CSMD1: variants seen among roughly 807,000 people sequenced by gnomAD.
CSMD1 encodes the protein CUB and sushi domain-containing protein 1.
In CSMD1, 213 loss-of-function variants were observed where a neutral mutation model predicts 417.5. The ratio of observed to expected loss-of-function variants is 0.51; its 90% confidence interval spans 0.46 to 0.57. The LOEUF is 0.57. Ranked by LOEUF, CSMD1 falls within the 20% of genes least tolerant of loss-of-function variation. The pLI is 0.00. For missense variants in CSMD1, 6,923 were observed against 4,529.7 expected, an observed-to-expected ratio of 1.53 and a Z score of -15.17; for synonymous variants, 2,862 against 1,736.8, an observed-to-expected ratio of 1.65 and a Z score of -16.11.
rs1563296744 is a variant in CSMD1, at chr8:3,348,167, A to G, written c.3305-6T>C. 2.5e-6 allele frequency: 4 copies of G among 1,609,474 alleles called. No homozygotes were observed. Among genetic ancestry groups the G allele is most frequent in the African/African-American group, 1.3e-5 (1 of 74,848 alleles). ...GACACTTGCTCCACATTCGGCTACAATAAATAGGACATGAGAGAAAGAGGA... is the reference window on the plus strand; with the variant it reads ...GACACTTGCTCCACATTCGGCTACAGTAAATAGGACATGAGAGAAAGAGGA... On this transcript the variant is annotated splice_region_variant and splice_polypyrimidine_tract_variant and intron_variant, in intron 21 of 69. Coordinates refer to ENST00000635120, the MANE Select transcript of CSMD1 (RefSeq NM_033225.6).
chr8:4,422,481 G>C (rs533608813), intron 2 of CSMD1, among the ~76,000 whole-genome samples: 1 of 152,028 alleles, frequency 6.6e-6, no homozygotes, highest in Non-Finnish European at 1.5e-5. Flanking sequence ...GAAAAGAGAA[G>C]GATTCCTTTC....
At chr8:4,849,089 G>A (rs904505792) in intron 1 of CSMD1, among the ~76,000 whole-genome samples, 1 of 152,176 alleles carries the variant, frequency 6.6e-6, no homozygotes, top group Non-Finnish European at 1.5e-5. Flanking sequence ...GGTGGTAGAA[G>A]ACAGTGATAT....
intron 30 of CSMD1, among the ~76,000 whole-genome samples, chr8:3,213,019 G>T (rs1031157302): frequency 6.6e-6 from 1 of 151,688 alleles, no homozygotes; most frequent in African/African-American, 2.4e-5. Flanking sequence ...TAGTAGAAAG[G>T]GGGTTTCTCC....
intron 3 of CSMD1, among the ~76,000 whole-genome samples, chr8:4,096,241 G>T (rs953544426): frequency 6.6e-6 from 1 of 152,044 alleles, no homozygotes; most frequent in African/African-American, 2.4e-5. Flanking sequence ...AAAAGCAACC[G>T]ACTTTCCCTG....
At chr8:4,095,884 G>C (rs373894938) in intron 3 of CSMD1, among the ~76,000 whole-genome samples, 1 of 152,264 alleles carries the variant, frequency 6.6e-6, no homozygotes, top group South Asian at 2.1e-4. Context: ...TCAATGTTAA[G>C]AGTAGAAACT....
intron 6 of CSMD1, among the ~76,000 whole-genome samples, chr8:3,738,182 A>T (rs753416740): frequency 2.6e-5 from 4 of 152,222 alleles, no homozygotes; most frequent in Non-Finnish European, 5.9e-5. Flanking sequence ...TGATCTATAC[A>T]TTTAATAAGC....
intron 1 of CSMD1, among the ~76,000 whole-genome samples, chr8:4,975,991 G>C (rs1018983262): frequency 5.9e-5 from 9 of 152,182 alleles, no homozygotes; most frequent in Non-Finnish European, 1.0e-4. Context: ...GTGTACAACA[G>C]ACACTCAACC....
At chr8:4,254,043 A>C (rs1161717922) in intron 3 of CSMD1, among the ~76,000 whole-genome samples, 6 of 149,912 alleles carry the variant, frequency 4.0e-5, no homozygotes, top group Admixed American at 6.8e-5. Flanking sequence ...CAGCCTCCCA[A>C]GTAGCTGGGA....
intron 1 of CSMD1, among the ~76,000 whole-genome samples, chr8:4,906,842 G>A (rs933749790): frequency 6.6e-6 from 1 of 152,230 alleles, no homozygotes; most frequent in African/African-American, 2.4e-5. Context: ...ACAGGCGTGA[G>A]CCGCTGCCCC....
intron 7 of CSMD1, among the ~76,000 whole-genome samples, chr8:3,624,316 T>A (rs1007573371): frequency 6.6e-6 from 1 of 152,208 alleles, no homozygotes; most frequent in Non-Finnish European, 1.5e-5. Flanking sequence ...ATGGAGAATA[T>A]AATCCACCTT....
chr8:3,987,164 G>A (rs896764067), intron 5 of CSMD1, among the ~76,000 whole-genome samples: 1 of 152,160 alleles, frequency 6.6e-6, no homozygotes, highest in Admixed American at 6.5e-5. Flanking sequence ...ATGGGAGAAA[G>A]CAATCCAGTA....
At chr8:3,258,534 G>T (rs1246900686) in intron 26 of CSMD1, among the ~76,000 whole-genome samples, 1 of 152,192 alleles carries the variant, frequency 6.6e-6, no homozygotes, top group Non-Finnish European at 1.5e-5. Flanking sequence ...AGACAGTGTG[G>T]TGATTCCTCA....
chr8:4,235,191 T>A (rs1180067641), intron 3 of CSMD1, among the ~76,000 whole-genome samples: 1 of 152,148 alleles, frequency 6.6e-6, no homozygotes, highest in East Asian at 1.9e-4. Context: ...ATCTCTCTCC[T>A]GTCCAAACTC....
chr8:3,420,732 C>T (rs566138438), intron 12 of CSMD1, among the ~76,000 whole-genome samples: 22 of 152,224 alleles, frequency 1.4e-4, no homozygotes, highest in African/African-American at 5.1e-4. Context: ...GCAATGATTC[C>T]TTTTAGGCAT....
chr8:3,888,761 C>T (rs192162704), intron 5 of CSMD1, among the ~76,000 whole-genome samples: 1 of 152,100 alleles, frequency 6.6e-6, no homozygotes, highest in Non-Finnish European at 1.5e-5. Context: ...ACCGACCTTC[C>T]AAATGGTCCT....
At position 2,978,660 on chromosome 8, in the gene CSMD1, T is replaced by A; in HGVS notation, c.8518A>T (p.Thr2840Ser). Reference protein sequence around the residue: ...GFYLLGSSALTCMANGLWDRS... With the variant: ...GFYLLGSSALSCMANGLWDRS... ...TCCCATAAGCCATTTGCCATACAGG[T>A]CAAGGCTGAAGATCCCAGCAAGTAA... The change falls in exon 55 of 70, where the codon ACC becomes TCC. Residue 2840 changes from threonine to serine, a missense_variant. Coordinates refer to ENST00000635120, the MANE Select transcript of CSMD1 (RefSeq NM_033225.6). 1.2e-6 allele frequency: 2 copies of A among 1,607,474 alleles called. No homozygotes were observed. Among genetic ancestry groups the A allele is most frequent in the Non-Finnish European group, 1.7e-6 (2 of 1,176,882 alleles).
intron 3 of CSMD1, among the ~76,000 whole-genome samples, chr8:4,330,580 AC>A (rs1264236938): frequency 7.3e-6 from 1 of 136,250 alleles, no homozygotes; most frequent in Non-Finnish European, 1.6e-5. Context: ...ACAGAGTGAA[AC>A]CCTGTCTCAA....
At chr8:4,277,262 A>C (rs1421480666) in intron 3 of CSMD1, among the ~76,000 whole-genome samples, 2 of 152,026 alleles carry the variant, frequency 1.3e-5, no homozygotes, top group African/African-American at 4.8e-5. Flanking sequence ...AGAATTTCTT[A>C]TGAAGTTGGG....
At chr8:3,275,177 T>C (rs1453597667) in intron 26 of CSMD1, among the ~76,000 whole-genome samples, 1 of 152,184 alleles carries the variant, frequency 6.6e-6, no homozygotes, top group East Asian at 1.9e-4. Context: ...TTATTTCTCC[T>C]TCACTTATGA....
Sources: allele counts gnomAD v4.1 joint callset (sites outside exome capture counted in the v4.1 genomes callset), GRCh38; gene constraint gnomAD v4.1.1; transcripts MANE v1.5; gene names NCBI Gene and HGNC (gene_info 2026-07-23, HGNC 2026-07-21).